MACF1: variants seen among roughly 807,000 people sequenced by gnomAD.
MACF1 encodes microtubule-actin cross-linking factor 1.
Under a neutral mutation model 854.8 loss-of-function variants are expected in MACF1, and 193 were observed. The ratio of observed to expected loss-of-function variants is 0.23; its 90% CI spans 0.20 to 0.25. The LOEUF is 0.25. MACF1 is among the 10% of genes least tolerant of loss of function. MACF1 has a pLI of 1.00. For synonymous variants in MACF1, 3,185 were observed against 3,226.7 expected (o/e 0.99, Z 0.44); for missense variants, 7,722 against 8,929.1 (o/e 0.86, Z 5.45).
chr1:39,437,828 C>A lies in MACF1; in HGVS notation c.18040C>A (p.Arg6014Ser). The change falls in exon 71 of 101, where the codon CGC (arginine) becomes AGC (serine). Residue 6014 changes from arginine (R) to serine (S), a missense_variant. Around this residue, in one of 15 missense-constraint regions of MACF1, gnomAD observed 2,807 missense variants for 3,235.8 expected, o/e 0.87. Transcript: ENST00000564288. ...GGAGACACTGGAGAATCTTTCCTCT[C>A]GCCTGCGTATGCCACCACTGATCCC... ...MLETLENLSSRLRMPPLIPAE... is the reference protein window; with the variant it reads ...MLETLENLSSSLRMPPLIPAE... 1 of 1,614,112 alleles carries A rather than the reference C, an allele frequency of 6.2e-7. No homozygotes were observed. The highest frequency in any genetic ancestry group is 8.5e-7 in the Non-Finnish European group (1 of 1,180,016).
intron 48 of MACF1, 108 bp downstream of exon 48, chr1:39,361,109 T>A: frequency 1.1e-6 from 1 of 940,774 alleles, no homozygotes; most frequent in Non-Finnish European, 1.6e-6. Flanking sequence ...GTGAATCATC[T>A]AATAAGATTT....
intron 7 of MACF1, among the ~76,000 whole-genome samples, chr1:39,282,967 C>T (rs956389148): frequency 2.6e-5 from 4 of 152,188 alleles, no homozygotes; most frequent in Non-Finnish European, 4.4e-5. Flanking sequence ...TTTCCCATGA[C>T]ATTCAACAAA....
At chr1:39,413,241 CAG>C (rs1643112707) in intron 58 of MACF1, 1 of 1,612,646 alleles carries the variant, frequency 6.2e-7, no homozygotes, top group Non-Finnish European at 8.5e-7. Context: ...CTGCAGCTGT[CAG>C]AGTGTCCACC....
intron 99 of MACF1, among the ~76,000 whole-genome samples, chr1:39,483,111 AAC>A (rs1491111332): frequency 0.082 from 8,761 of 106,580 alleles, 1,924 homozygotes; most frequent in Non-Finnish European, 0.12. Flanking sequence ...AAAAAAAAAA[AAC>A]ACCCACACAT....
At chr1:39,407,950 T>G (rs529686210) in intron 58 of MACF1, among the ~76,000 whole-genome samples, 10 of 152,342 alleles carry the variant, frequency 6.6e-5, no homozygotes, top group African/African-American at 2.4e-4. Flanking sequence ...GTGGACAGTT[T>G]CCTGGGTTGC....
At chr1:39,126,238 T>C (rs1485452967) in intron 2 of MACF1, among the ~76,000 whole-genome samples, 3 of 152,218 alleles carry the variant, frequency 2.0e-5, no homozygotes, top group African/African-American at 7.2e-5. Context: ...ACCTGTTCCA[T>C]GCATCTCTTC....
chr1:39,360,007 AAAAAAATATATATATATATATAT>A lies in MACF1; in HGVS notation c.12244+745_12245-762del, dbSNP rs1488344146. On this transcript the variant is annotated intron_variant, in intron 47 of 100. Transcript: ENST00000564288. ...GTCTCAAAAAAAAAAAAAAAAAAAA[AAAAAAATATATATATATATATAT>A]ATATATATATATATATATATATACA... is the stretch of plus-strand genomic sequence containing the variant. Among the ~76,000 whole-genome samples the A allele has an allele frequency of 3.4e-4, 21 of 62,020 alleles. 1 individual carries two copies. In the East Asian group the frequency reaches 4.2e-3, roughly 12 times the overall value. 40.7% of individuals were successfully genotyped at this position (62,020 alleles called of 152,430 possible). A position where few individuals can be genotyped will look rare whatever the true frequency, so the allele number is the denominator to read the frequency against.
Position 39,283,633 on chromosome 1 carries a change from T to A in MACF1, c.915+118T>A. ...TCATGGTATCAAACTATATATCCAG[T>A]ATCTTTATCATACATGGACATTATC... On this transcript the variant is annotated intron_variant, in intron 9 of 100. Coordinates refer to ENST00000564288, the MANE Select transcript of MACF1 (RefSeq NM_001394062.1). The surrounding 1 kb of genome is among the most constrained non-coding windows in gnomAD (Gnocchi z 4.5). 1.4e-6 allele frequency: 1 copy of A among 709,566 alleles called. No individual in the cohort carries two copies. Among genetic ancestry groups the A allele is most frequent in the Non-Finnish European group, 2.4e-6 (1 of 408,894 alleles). The allele number at this position is 709,566 out of a possible 1,614,324, so 44.0% of individuals were successfully genotyped here.
chr1:39,142,853 C>G (rs1441291959), intron 2 of MACF1, among the ~76,000 whole-genome samples: 2 of 152,218 alleles, frequency 1.3e-5, no homozygotes, highest in Non-Finnish European at 2.9e-5. Flanking sequence ...GCATAATGCA[C>G]TGTTGACTGG....
intron 49 of MACF1, among the ~76,000 whole-genome samples, chr1:39,366,051 C>T (rs1174026902): frequency 6.6e-6 from 1 of 152,098 alleles, no homozygotes; most frequent in East Asian, 1.9e-4. Flanking sequence ...ATTATAGAGG[C>T]TTTATGGTAT....
At chr1:39,216,953 T>C (rs771431140) in intron 1 of MACF1, among the ~76,000 whole-genome samples, 132 of 152,214 alleles carry the variant, frequency 8.7e-4, no homozygotes, top group Non-Finnish European at 1.4e-3. Flanking sequence ...CTACACGGGG[T>C]TCCTACTCCA....
chr1:39,444,858 T>A, intron 80 of MACF1, 23 bp downstream of exon 80: 1 of 1,547,434 alleles, frequency 6.5e-7, no homozygotes, highest in Non-Finnish European at 8.8e-7. Context: ...ATCCCCATGT[T>A]TGAGTAATTT....
At chr1:39,258,304 G>C (rs1645118882) in intron 6 of MACF1, among the ~76,000 whole-genome samples, 1 of 152,238 alleles carries the variant, frequency 6.6e-6, no homozygotes. Context: ...TTAGAGGTCT[G>C]TTTGCTCAGC....
In MACF1 at chr1:39,447,402, C is replaced by CTG. The variant is rs764147216; in HGVS notation, c.19606-18_19606-17dup. The CTG allele has an allele frequency of 8.8e-6, 14 of 1,598,360 alleles. No individual in the cohort carries two copies. In the East Asian group the frequency reaches 1.6e-4, roughly 18 times the overall value. On this transcript the variant is annotated intron_variant, in intron 80 of 100. Transcript: ENST00000564288. Reference sequence around the variant, plus strand: ...TTCCTGAAATTGGCGCTTTTTCTTTCTGTGTGTGTGTGTTTTACTTGAAAT... The same window carrying CTG: ...TTCCTGAAATTGGCGCTTTTTCTTTCTGTGTGTGTGTGTGTTTTACTTGAAAT...
intron 72 of MACF1, 54 bp from the exon 73 acceptor site, chr1:39,440,949 G>A: frequency 6.2e-7 from 1 of 1,604,838 alleles, no homozygotes; most frequent in Non-Finnish European, 8.5e-7. Context: ...GCAAAGTTTG[G>A]TAAGTTCTGT....
In MACF1 at chr1:39,310,834, A is replaced by G; in HGVS notation, c.3104A>G (p.Asp1035Gly). 3 of 1,610,118 alleles carry G rather than the reference A, an allele frequency of 1.9e-6. No individual in the cohort carries two copies. The highest frequency in any genetic ancestry group is 1.3e-5 in the African/African-American group (1 of 74,972). ...TTTTGTGTTTGTTCATTCACAGAGG[A>G]CAAAGAGGAGACTGTGGCCAAGATG... ...QHLMKSMENE[D>G]KEETVAKMYI... is the part of the protein sequence containing the mutation. The change falls in exon 26 of 101, where the codon GAC becomes GGC. Residue 1035 changes from aspartate (D) to glycine (G), a missense_variant. Transcript: ENST00000564288.
chr1:39,348,958 GTC>G (rs1367755285), intron 41 of MACF1, among the ~76,000 whole-genome samples: 11 of 152,134 alleles, frequency 7.2e-5, no homozygotes, highest in Non-Finnish European at 1.3e-4. Context: ...TATTTAATGA[GTC>G]TCTGGATTGA....
chr1:39,480,197 T>C (rs1209192627), intron 98 of MACF1, 188 bp downstream of exon 98: 4 of 454,764 alleles, frequency 8.8e-6, no homozygotes, highest in African/African-American at 7.7e-5. Context: ...TACACAGATA[T>C]ATGGCCTTTA....
intron 2 of MACF1, among the ~76,000 whole-genome samples, chr1:39,122,429 A>G (rs528017686): frequency 6.6e-6 from 1 of 151,694 alleles, no homozygotes; most frequent in South Asian, 2.1e-4. Flanking sequence ...AATTTTTTGT[A>G]TTTTTAGTAG....
Sources: allele counts gnomAD v4.1 joint callset (sites outside exome capture counted in the v4.1 genomes callset), GRCh38; gene constraint gnomAD v4.1.1; regional missense constraint gnomAD v4.1.1; non-coding constraint Gnocchi (gnomAD v3.1); transcripts MANE v1.5; gene names NCBI Gene and HGNC (gene_info 2026-07-23, HGNC 2026-07-21).